Variants in COL23A1 observed in about 807,000 individuals in gnomAD.
COL23A1 encodes the protein collagen type XXIII alpha 1 chain, also known as collagen alpha-1(XXIII) chain.
Under a neutral mutation model 99.3 loss-of-function variants are expected in COL23A1, and 97 were observed. The ratio of observed to expected loss-of-function variants is 0.98; its 90% CI spans 0.83 to 1.16. The LOEUF is 1.16. Among genes scored for constraint, COL23A1 ranks in the 50% most tolerant of loss-of-function variants. COL23A1 has a pLI of 0.00. For synonymous variants in COL23A1, 320 were observed against 308.2 expected, an observed-to-expected ratio of 1.04 and a Z score of -0.40; for missense variants, 762 against 757.4, an observed-to-expected ratio of 1.01 and a Z score of -0.07.
intron 2 of COL23A1, among the ~76,000 whole-genome samples, chr5:178,318,916 A>AG (rs1554137522): frequency 1.3e-5 from 2 of 150,552 alleles, no homozygotes; most frequent in Admixed American, 1.3e-4. Context: ...AAAAAAAAAA[A>AG]GGAAAGGGGC....
intron 2 of COL23A1, among the ~76,000 whole-genome samples, chr5:178,375,075 G>T (rs1762999631): frequency 6.6e-6 from 1 of 152,182 alleles, no homozygotes; most frequent in African/African-American, 2.4e-5. Flanking sequence ...CTGAACACCA[G>T]AATATCACTC....
chr5:178,542,255 C>T (rs1053967755), intron 2 of COL23A1, among the ~76,000 whole-genome samples: 8 of 152,138 alleles, frequency 5.3e-5, no homozygotes, highest in East Asian at 1.9e-4. Context: ...GGTTTTGCCA[C>T]GTTGGCCAGG....
At chr5:178,361,913 C>T (rs768540282) in intron 2 of COL23A1, among the ~76,000 whole-genome samples, 21 of 152,168 alleles carry the variant, frequency 1.4e-4, no homozygotes, top group Non-Finnish European at 2.5e-4. Flanking sequence ...GATTTTCCAC[C>T]ATCTCACTCT....
chr5:178,282,423 T>A (rs1415130975), intron 5 of COL23A1, among the ~76,000 whole-genome samples: 1 of 152,146 alleles, frequency 6.6e-6, no homozygotes, highest in Non-Finnish European at 1.5e-5. Context: ...AAACCAAACA[T>A]CCTCTCCAAG....
intron 2 of COL23A1, among the ~76,000 whole-genome samples, chr5:178,500,646 G>GAA (rs1249703780): frequency 3.5e-5 from 3 of 85,010 alleles, no homozygotes; most frequent in Non-Finnish European, 5.0e-5. Context: ...CCCAGAAAAA[G>GAA]AAAAAAAAAA....
In COL23A1 at chr5:178,481,146, A is replaced by AAAG. The variant is rs1554181847; in HGVS notation, c.361+79535_361+79536insCTT. On this transcript the variant is annotated intron_variant, in intron 2 of 28. Coordinates refer to ENST00000390654, the MANE Select transcript of COL23A1 (RefSeq NM_173465.4). ...GACTGTCTCTCAAAAAAAAAAAAAA[A>AAAG]AAAAGAAAGAAAGAAAATGTGACTT... Among the ~76,000 whole-genome samples, 204 of 151,154 alleles carry AAAG rather than the reference A, an allele frequency of 1.3e-3. 2 individuals are homozygous for AAAG. The East Asian group carries it at 0.026, about 19-fold the overall frequency.
At chr5:178,351,767 A>T (rs959600631) in intron 2 of COL23A1, among the ~76,000 whole-genome samples, 4 of 152,162 alleles carry the variant, frequency 2.6e-5, no homozygotes, top group African/African-American at 9.7e-5. Flanking sequence ...TATATGCGGA[A>T]GCCCCTAGTC....
At chr5:178,472,061 G>A (rs753541511) in intron 2 of COL23A1, among the ~76,000 whole-genome samples, 6 of 152,204 alleles carry the variant, frequency 3.9e-5, no homozygotes, top group Non-Finnish European at 7.3e-5. Context: ...GGAGCTCAAG[G>A]AGGGAGGATG....
In COL23A1 at chr5:178,327,327, C is replaced by T. The variant is rs1449806273; in HGVS notation, c.362-20408G>A. Among the ~76,000 whole-genome samples the T allele has an allele frequency of 3.3e-5, 5 of 152,256 alleles. 1 individual carries two copies. The highest frequency in any genetic ancestry group is 4.1e-4 in the South Asian group (2 of 4,822). On this transcript the variant is annotated intron_variant, in intron 2 of 28. Coordinates refer to ENST00000390654, the MANE Select transcript of COL23A1 (RefSeq NM_173465.4). ...GCTATTAGAGACACGTGCAGGTGCC[C>T]TGGGTGTCGGGAAACGGGCGCTGAT... is the stretch of plus-strand genomic sequence containing the variant.
chr5:178,319,771 C>T (rs771854608), intron 2 of COL23A1, among the ~76,000 whole-genome samples: 3 of 152,214 alleles, frequency 2.0e-5, no homozygotes, highest in Non-Finnish European at 2.9e-5. Flanking sequence ...CCGACTGTCA[C>T]GGTTTGCTGG....
At chr5:178,347,578 T>C (rs1253741474) in intron 2 of COL23A1, among the ~76,000 whole-genome samples, 1 of 151,680 alleles carries the variant, frequency 6.6e-6, no homozygotes, top group Admixed American at 6.6e-5. Flanking sequence ...TGTTGTGTTA[T>C]ATCTCTATTA....
intron 2 of COL23A1, among the ~76,000 whole-genome samples, chr5:178,443,778 A>AT (rs377093797): frequency 1.8e-4 from 27 of 149,356 alleles, no homozygotes; most frequent in East Asian, 1.6e-3. Flanking sequence ...ATTTCTAAGC[A>AT]TTTTTTTTTT....
intron 2 of COL23A1, among the ~76,000 whole-genome samples, chr5:178,322,317 T>C (rs1000452861): frequency 4.6e-5 from 7 of 152,176 alleles, no homozygotes; most frequent in Non-Finnish European, 8.8e-5. Context: ...TGTATTTTAG[T>C]AGAGACGGGG....
At chr5:178,336,303 T>C (rs116487655) in intron 2 of COL23A1, among the ~76,000 whole-genome samples, 3,915 of 152,320 alleles carry the variant, frequency 0.026, 174 homozygotes, top group African/African-American at 0.089. Context: ...CCTAGCAGCA[T>C]TATTCACAAC....
At chr5:178,341,253 T>G (rs1000515565) in intron 2 of COL23A1, among the ~76,000 whole-genome samples, 1 of 152,204 alleles carries the variant, frequency 6.6e-6, no homozygotes, top group Non-Finnish European at 1.5e-5. Flanking sequence ...GCTTCTGGAC[T>G]AGCTGGGACC....
intron 2 of COL23A1, among the ~76,000 whole-genome samples, chr5:178,373,032 G>A (rs1762884609): frequency 6.7e-6 from 1 of 150,356 alleles, no homozygotes; most frequent in African/African-American, 2.5e-5. Context: ...AGGTTCAAGC[G>A]ATTCTCCTGC....
At chr5:178,364,546 C>A (rs79731413) in intron 2 of COL23A1, among the ~76,000 whole-genome samples, 1 of 152,082 alleles carries the variant, frequency 6.6e-6, no homozygotes, top group Non-Finnish European at 1.5e-5. Context: ...TCATCCCTCA[C>A]GGGCCGTCTT....
intron 2 of COL23A1, chr5:178,344,913 G>A (rs1760876060): frequency 2.8e-6 from 2 of 714,198 alleles, no homozygotes; most frequent in Non-Finnish European, 4.9e-6. Flanking sequence ...ACAACACGTA[G>A]AGAATTTGGG....
At chr5:178,264,830 C>T (rs1755785033) in intron 8 of COL23A1, among the ~76,000 whole-genome samples, 1 of 152,080 alleles carries the variant, frequency 6.6e-6, no homozygotes, top group South Asian at 2.1e-4. Flanking sequence ...ATTTTTAGTA[C>T]AGACGGGGTT....
Sources: gnomAD v4.1 joint callset for allele counts (sites outside exome capture counted in the v4.1 genomes callset) on GRCh38, gnomAD v4.1.1 for gene constraint, MANE v1.5 for transcripts, NCBI Gene and HGNC (gene_info 2026-07-23, HGNC 2026-07-21) for gene names.